Variants in RBM25 observed in about 807,000 individuals in gnomAD.
RBM25 encodes RNA-binding protein 25.
Under a neutral mutation model 120.7 loss-of-function variants are expected in RBM25, and 19 were observed. The observed-to-expected ratio is 0.16, with a 90% CI of 0.11 to 0.23. The LOEUF (loss-of-function observed/expected upper bound fraction) is 0.23. Ranked by LOEUF, RBM25 falls within the 10% of genes least tolerant of loss-of-function variation. The pLI, the probability that RBM25 is intolerant of heterozygous loss-of-function variation, is 1.00. For missense variants in RBM25, 605 were observed against 1,041.5 expected (o/e 0.58, Z 5.77); for synonymous variants, 390 against 326.7 (o/e 1.19, Z -2.09).
Position 73,086,873 on chromosome 14 carries a change from T to C in RBM25, c.383-1128T>C, listed in dbSNP as rs1056366948. The stretch of plus-strand genomic sequence containing the variant: ...GCATGTGCCACCACACCCAGCTAGT[T>C]TTTGTATTTTTAGTAGAGAGAGGGT... On this transcript the variant is annotated intron_variant, in intron 5 of 18. Coordinates refer to ENST00000261973, the MANE Select transcript of RBM25 (RefSeq NM_021239.3). Among the ~76,000 whole-genome samples, 6 of 152,146 alleles carry C rather than the reference T, an allele frequency of 3.9e-5. No individual in the cohort carries two copies. The East Asian group carries it at 1.2e-3, about 29-fold the overall frequency.
chr14:73,113,259 G>A (rs1297276067), intron 17 of RBM25, among the ~76,000 whole-genome samples: 1 of 151,878 alleles, frequency 6.6e-6, no homozygotes, highest in African/African-American at 2.4e-5. Context: ...CTAATTTTTT[G>A]TATTTTTAGT....
rs1662214893 is a variant in RBM25 at position 73,121,258 on chromosome 14, C to T, written c.*1453C>T. 1 of 152,154 alleles carries T rather than the reference C, an allele frequency of 6.6e-6. No individual in the cohort carries two copies. The highest frequency in any genetic ancestry group is 1.5e-5 in the Non-Finnish European group (1 of 67,966). The allele number at this position is 152,154 out of a possible 1,614,324, so 9.4% of individuals were successfully genotyped here. A position where few individuals can be genotyped will look rare whatever the true frequency, so the allele number is the denominator to read the frequency against. On this transcript the variant is annotated 3_prime_UTR_variant, in exon 19 of 19. Coordinates refer to ENST00000261973, the MANE Select transcript of RBM25 (RefSeq NM_021239.3). ...TGAAAACACTGTTCTTACCCTCGAA[C>T]CCTGATGTGGTTCCATTATGTAAAT...
chr14:73,064,987 G>GTCGTTCAGGTTGGAGTGCAGTGGCGC (rs1895093912), intron 1 of RBM25: 1 of 147,192 alleles, frequency 6.8e-6, no homozygotes, highest in African/African-American at 2.5e-5. Context: ...GTCTTACTCT[G>GTCGTTCAGGTTGGAGTGCAGTGGCGC]TCGTTCAGGT....
At chr14:73,099,534 T>A in intron 8 of RBM25, 101 bp downstream of exon 8, 1 of 1,584,102 alleles carries the variant, frequency 6.3e-7, no homozygotes, top group Non-Finnish European at 8.6e-7. Flanking sequence ...CTTTAGATTG[T>A]TAGATTTGTT....
rs1398328297 is a variant in RBM25 at position 73,088,044 on chromosome 14, T to A, written c.426T>A (p.Arg142=). ...ACAAGGAGCCAGAATCTACCCTCCG[T>A]GCACTCAGATTATTACATGACCTGC... ...CEYKEPESTL[R]ALRLLHDLQI... Residue 142 remains arginine (R), a synonymous_variant, in exon 6 of 19, where the codon CGT becomes CGA. Transcript: ENST00000261973. The A allele has an allele frequency of 1.2e-6, 2 of 1,614,184 alleles. No individual in the cohort carries two copies. The highest frequency in any genetic ancestry group is 1.7e-6 in the Non-Finnish European group (2 of 1,180,030).
intron 1 of RBM25, among the ~76,000 whole-genome samples, chr14:73,067,401 T>G (rs1031083600): frequency 1.3e-5 from 2 of 152,104 alleles, no homozygotes; most frequent in Admixed American, 6.6e-5. Context: ...AATAATTTAC[T>G]GCATTATTAT....
intron 18 of RBM25, among the ~76,000 whole-genome samples, chr14:73,115,061 A>T (rs995056792): frequency 6.6e-6 from 1 of 152,198 alleles, no homozygotes; most frequent in Non-Finnish European, 1.5e-5. Context: ...TTAGATATGT[A>T]GAAAGGATAA....
At chr14:73,064,962 T>C (rs943880360) in intron 1 of RBM25, 2 of 150,954 alleles carry the variant, frequency 1.3e-5, no homozygotes, top group African/African-American at 4.8e-5. Context: ...TACTTTTTTT[T>C]TTTTTTTAGA....
At chr14:73,107,977 A>C in intron 13 of RBM25, 78 bp downstream of exon 13, 1 of 927,580 alleles carries the variant, frequency 1.1e-6, no homozygotes, top group Non-Finnish European at 1.7e-6. Flanking sequence ...TTGATAATGC[A>C]TGTTCACTAA....
In RBM25 at chr14:73,068,271, T is replaced by C. The variant is rs1177227845; in HGVS notation, c.-15-3356T>C. 10 of 836,996 alleles carry C rather than the reference T, an allele frequency of 1.2e-5. No individual in the cohort carries two copies. The East Asian group carries it at 2.3e-4, about 19-fold the overall frequency. 51.8% of individuals were successfully genotyped at this position (836,996 alleles called of 1,614,324 possible). A position where few individuals can be genotyped will look rare whatever the true frequency, so the allele number is the denominator to read the frequency against. ...TTTTTATAAACCATTTAGACCCCAA[T>C]AGATTTGGTTTGTGGGTCACTCTCT... On this transcript the variant is annotated intron_variant, in intron 1 of 18. Transcript: ENST00000261973.
In RBM25 at chr14:73,111,555, A is replaced by C. The variant is rs765658571; in HGVS notation, c.2045A>C (p.Asn682Thr). ...GCTTCCAATAGTCCTGGTCAGCCTA[A>C]TTCTGTGAAGAGAAAGAAACTACCT... Reference protein sequence around the residue: ...LGASNSPGQPNSVKRKKLPVD... With the variant: ...LGASNSPGQPTSVKRKKLPVD... Residue 682 changes from asparagine (N) to threonine (T), a missense_variant, in exon 16 of 19, where the codon AAT becomes ACT. By Grantham distance (65) the Asn-to-Thr change is moderately conservative (BLOSUM62 0). Coordinates refer to ENST00000261973, the MANE Select transcript of RBM25 (RefSeq NM_021239.3). 1 of 1,611,702 alleles carries C rather than the reference A, an allele frequency of 6.2e-7. No individual in the cohort carries two copies. Among genetic ancestry groups the C allele is most frequent in the East Asian group, 2.2e-5 (1 of 44,854 alleles).
chr14:73,112,331 T>TCTTA, intron 17 of RBM25, 81 bp downstream of exon 17: 1 of 1,306,982 alleles, frequency 7.7e-7, no homozygotes, highest in Non-Finnish European at 1.0e-6. Flanking sequence ...GCAGAAATTT[T>TCTTA]ACAGAGTCAA....
chr14:73,066,552 G>T (rs1161473399), intron 1 of RBM25, among the ~76,000 whole-genome samples: 1 of 151,546 alleles, frequency 6.6e-6, no homozygotes, highest in East Asian at 1.9e-4. Context: ...TTGGGAGGCT[G>T]AGGCAGGAGA....
rs1021791422 is a variant in RBM25, at chr14:73,121,254, C to G, written c.*1449C>G. The G allele has an allele frequency of 1.3e-5, 2 of 151,838 alleles. No homozygotes were observed. Among genetic ancestry groups the G allele is most frequent in the Non-Finnish European group, 2.9e-5 (2 of 67,928 alleles). 9.4% of individuals were successfully genotyped at this position (151,838 alleles called of 1,614,324 possible). A position where few individuals can be genotyped will look rare whatever the true frequency, so the allele number is the denominator to read the frequency against. On this transcript the variant is annotated 3_prime_UTR_variant, in exon 19 of 19. Coordinates refer to ENST00000261973, the MANE Select transcript of RBM25 (RefSeq NM_021239.3). ...CATTTGAAAACACTGTTCTTACCCT[C>G]GAACCCTGATGTGGTTCCATTATGT...
In RBM25 at chr14:73,058,541, C is replaced by T. The variant is rs1172009021; in HGVS notation, c.-180C>T. On this transcript the variant is annotated 5_prime_UTR_variant, in exon 1 of 19. Coordinates refer to ENST00000261973, the MANE Select transcript of RBM25 (RefSeq NM_021239.3). ...GCACGCCGGGCAAGAGGAAGACCTC[C>T]ATCAGCTCGCCGCGCAGCGCGGCTG... 6.6e-6 allele frequency: 1 copy of T among 152,226 alleles called. No individual in the cohort carries two copies. The highest frequency in any genetic ancestry group is 1.9e-4 in the East Asian group (1 of 5,186). 9.4% of individuals were successfully genotyped at this position (152,226 alleles called of 1,614,324 possible). A position where few individuals can be genotyped will look rare whatever the true frequency, so the allele number is the denominator to read the frequency against.
At chr14:73,084,811 A>C (rs138982056) in intron 5 of RBM25, among the ~76,000 whole-genome samples, 157 of 151,526 alleles carry the variant, frequency 1.0e-3, no homozygotes, top group African/African-American at 3.3e-3. Context: ...CAGCCTCCCA[A>C]AGTACTGAGA....
In RBM25 at chr14:73,105,715, G is replaced by T. The variant is rs932762288; in HGVS notation, c.1155-144G>T. The T allele has an allele frequency of 5.5e-6, 7 of 1,283,796 alleles. No homozygotes were observed. In the Admixed American group the frequency reaches 8.1e-5, roughly 15 times the overall value. 79.5% of individuals were successfully genotyped at this position (1,283,796 alleles called of 1,614,324 possible). A position where few individuals can be genotyped will look rare whatever the true frequency, so the allele number is the denominator to read the frequency against. On this transcript the variant is annotated intron_variant, in intron 10 of 18. Coordinates refer to ENST00000261973, the MANE Select transcript of RBM25 (RefSeq NM_021239.3). ...TGTCTTTCTGATGAGTGTAGAGGAG[G>T]TTACATAGTTTTATGGAAATCAAGT...
chr14:73,112,413 G>GTTT (rs11392696), intron 17 of RBM25, among the ~76,000 whole-genome samples, 163 bp downstream of exon 17: 3 of 150,970 alleles, frequency 2.0e-5, no homozygotes, highest in African/African-American at 7.3e-5. Context: ...TTTTTGGTGT[G>GTTT]TTTTTTTTTA....
chr14:73,123,359 GT>G lies in RBM25; in HGVS notation c.*3558del, dbSNP rs889391422. The G allele has an allele frequency of 2.6e-4, 39 of 152,178 alleles. No homozygotes were observed. Among genetic ancestry groups the G allele is most frequent in the African/African-American group, 9.2e-4 (38 of 41,522 alleles). The allele number at this position is 152,178 out of a possible 1,614,324, so 9.4% of individuals were successfully genotyped here. A position where few individuals can be genotyped will look rare whatever the true frequency, so the allele number is the denominator to read the frequency against. ...TTATTTTCCCAACTCTTTTTAACAG[GT>G]TTTATGATATCCCCAATTTATACCC... On this transcript the variant is annotated 3_prime_UTR_variant, in exon 19 of 19. Coordinates refer to ENST00000261973, the MANE Select transcript of RBM25 (RefSeq NM_021239.3).
Sources: gnomAD v4.1 joint callset for allele counts (sites outside exome capture counted in the v4.1 genomes callset) on GRCh38, gnomAD v4.1.1 for gene constraint, MANE v1.5 for transcripts, NCBI Gene and HGNC (gene_info 2026-07-23, HGNC 2026-07-21) for gene names.